Variants in ACSL6 observed in about 807,000 individuals in gnomAD.
The protein encoded by ACSL6 is long-chain-fatty-acid--CoA ligase 6.
In ACSL6, 47 loss-of-function variants were observed where a neutral mutation model predicts 98.2. The ratio of observed to expected loss-of-function variants is 0.48; its 90% CI spans 0.38 to 0.61. ACSL6 has a LOEUF of 0.61. Among genes scored for constraint, ACSL6 ranks in the 20% least tolerant of loss-of-function variants. ACSL6 has a pLI of 0.00. For synonymous variants in ACSL6, 362 were observed against 336.9 expected (o/e 1.07, Z -0.82); for missense variants, 761 against 913.4 (o/e 0.83, Z 2.15).
chr5:131,995,170 G>A (rs1214046281), intron 1 of ACSL6, among the ~76,000 whole-genome samples: 1 of 152,162 alleles, frequency 6.6e-6, no homozygotes, highest in Non-Finnish European at 1.5e-5. Context: ...AGACATGGCA[G>A]ATGCCCTGGG....
intron 8 of ACSL6, 134 bp downstream of exon 8, chr5:131,986,688 G>T (rs1580671572): frequency 1.9e-6 from 2 of 1,079,334 alleles, no homozygotes; most frequent in South Asian, 1.4e-5. Flanking sequence ...ACACTCAAGT[G>T]GGCATTTCCT....
chr5:131,998,318 T>C (rs533029590), intron 1 of ACSL6, among the ~76,000 whole-genome samples: 1 of 152,274 alleles, frequency 6.6e-6, no homozygotes, highest in Admixed American at 6.5e-5. Flanking sequence ...TAACATGAAC[T>C]AGCCACCTCC....
intron 20 of ACSL6, among the ~76,000 whole-genome samples, chr5:131,957,773 G>T (rs1752490533): frequency 6.6e-6 from 1 of 152,206 alleles, no homozygotes; most frequent in African/African-American, 2.4e-5. Context: ...TTGAGCTTTG[G>T]ATCACAACTG....
At position 131,960,228 on chromosome 5, in the gene ACSL6, A is replaced by AC. The variant is rs558630064; in HGVS notation, c.1959+291dup. On this transcript the variant is annotated intron_variant, in intron 19 of 20. Coordinates refer to ENST00000651883, the MANE Select transcript of ACSL6 (RefSeq NM_001009185.3). ...CCAGCTGTGTGACCTCGGGCAAGTTACCCCCCTCCCTGGACTCTCCTCTAA... is the reference window on the plus strand; with the variant it reads ...CCAGCTGTGTGACCTCGGGCAAGTTACCCCCCCTCCCTGGACTCTCCTCTAA... Among the ~76,000 whole-genome samples the AC allele has an allele frequency of 1.6e-3, 236 of 151,712 alleles. 1 individual carries two copies. Among genetic ancestry groups the AC allele is most frequent in the African/African-American group, 5.5e-3 (227 of 41,296 alleles).
At chr5:131,978,468 TG>T (rs1469524166) in intron 9 of ACSL6, among the ~76,000 whole-genome samples, 1 of 152,054 alleles carries the variant, frequency 6.6e-6, no homozygotes, top group Admixed American at 6.6e-5. Context: ...GTTAGCAAGC[TG>T]GGGGAGAAGG....
intron 14 of ACSL6, 117 bp from the exon 15 acceptor site, chr5:131,970,317 C>G (rs1444416194): frequency 3.5e-6 from 3 of 861,408 alleles, no homozygotes; most frequent in Non-Finnish European, 5.7e-6. Context: ...ATGATCAGGG[C>G]GATGGAGGGA....
intron 10 of ACSL6, 121 bp from the exon 11 acceptor site, chr5:131,975,091 A>G: frequency 7.2e-7 from 1 of 1,394,360 alleles, no homozygotes; most frequent in Non-Finnish European, 9.6e-7. Flanking sequence ...GGGGGAGGGG[A>G]ATGGGAGTGG....
intron 8 of ACSL6, 119 bp from the exon 9 acceptor site, chr5:131,985,577 G>T: frequency 9.6e-7 from 1 of 1,042,624 alleles, no homozygotes; most frequent in Non-Finnish European, 1.5e-6. Flanking sequence ...GTGTGAGCAT[G>T]TGTTGGGCAC....
intron 17 of ACSL6, among the ~76,000 whole-genome samples, chr5:131,963,137 G>A (rs1173204324): frequency 6.6e-6 from 1 of 152,094 alleles, no homozygotes; most frequent in Non-Finnish European, 1.5e-5. Flanking sequence ...CCCCTAAAGA[G>A]CAGCCTCTGC....
In ACSL6 at chr5:131,951,581, G is replaced by T. The variant is rs529879791; in HGVS notation, c.*2653C>A. The T allele has an allele frequency of 7.4e-3, 1,269 of 171,306 alleles. 13 individuals carry two copies. The highest frequency in any genetic ancestry group is 0.02 in the African/African-American group (835 of 41,188). 10.6% of individuals were successfully genotyped at this position (171,306 alleles called of 1,614,324 possible). On this transcript the variant is annotated 3_prime_UTR_variant, in exon 21 of 21. Coordinates refer to ENST00000651883, the MANE Select transcript of ACSL6 (RefSeq NM_001009185.3). ...GGCAAAAAGAAGAAACCTTGTTTTT[G>T]TTTTTTTTTTTTCTTTCTTTTTGAG...
intron 11 of ACSL6, chr5:131,973,768 C>G (rs1225037598): frequency 1.2e-5 from 2 of 172,098 alleles, no homozygotes; most frequent in Non-Finnish European, 2.5e-5. Context: ...TGGGTCTGCT[C>G]CAGGTCTTAG....
intron 7 of ACSL6, 127 bp from the exon 8 acceptor site, chr5:131,986,981 T>TCACA (rs58544750): frequency 2.1e-4 from 18 of 87,684 alleles, no homozygotes; most frequent in African/African-American, 3.4e-4. Flanking sequence ...ACCCACACAC[T>TCACA]CACACACACA....
intron 2 of ACSL6, among the ~76,000 whole-genome samples, chr5:131,991,753 C>T (rs1754526570): frequency 6.6e-6 from 1 of 152,188 alleles, no homozygotes; most frequent in African/African-American, 2.4e-5. Context: ...ACCTCTTCTT[C>T]AAGCACTATT....
At position 131,970,195 on chromosome 5, in the gene ACSL6, A is replaced by G; in HGVS notation, c.1440T>C (p.Tyr480=). 1 of 1,614,132 alleles carries G rather than the reference A, an allele frequency of 6.2e-7. No homozygotes were observed. Among genetic ancestry groups the G allele is most frequent in the Non-Finnish European group, 8.5e-7 (1 of 1,180,026 alleles). The change falls in exon 15 of 21, where the codon TAT becomes TAC. Residue 480 remains tyrosine, a synonymous_variant. Coordinates refer to ENST00000651883, the MANE Select transcript of ACSL6 (RefSeq NM_001009185.3). ...FLRAALGCQV[Y]EGYGQTECTA... is the part of the protein sequence containing the mutation. ...TGCACTCAGTTTGGCCATAACCTTC[A>G]TAAACCTTCAAACAAAACACAGAAG...
At chr5:132,002,748 G>A (rs1032013800) in intron 1 of ACSL6, among the ~76,000 whole-genome samples, 4 of 152,186 alleles carry the variant, frequency 2.6e-5, no homozygotes, top group African/African-American at 7.2e-5. Flanking sequence ...GAGCCTGTAA[G>A]ATGTTGGGGC....
At position 131,990,135 on chromosome 5, in the gene ACSL6, G is replaced by A. The variant is rs1176086497; in HGVS notation, c.415C>T (p.Pro139Ser). The A allele has an allele frequency of 6.2e-7, 1 of 1,614,056 alleles. No homozygotes were observed. The highest frequency in any genetic ancestry group is 1.7e-5 in the Admixed American group (1 of 60,024). ...GACAGCCACTGGTAAGGCTGCTTAGGCTTCCTGAAACCAAGACAGGGCCCA... is the reference window on the plus strand; with the variant it reads ...GACAGCCACTGGTAAGGCTGCTTAGACTTCCTGAAACCAAGACAGGGCCCA... ...GNGPCLGFRK[P>S]KQPYQWLSYQ... The change falls in exon 4 of 21, where the codon CCT becomes TCT. Residue 139 changes from proline to serine, a missense_variant. Pro to Ser is a moderately conservative substitution (Grantham distance 74, BLOSUM62 -1). Coordinates refer to ENST00000651883, the MANE Select transcript of ACSL6 (RefSeq NM_001009185.3).
At chr5:132,002,735 G>A (rs1755160162) in intron 1 of ACSL6, among the ~76,000 whole-genome samples, 1 of 152,180 alleles carries the variant, frequency 6.6e-6, no homozygotes, top group Admixed American at 6.5e-5. Flanking sequence ...TAAGTCACAG[G>A]AAGAGCCTGT....
chr5:131,990,230 C>T (rs968937286), intron 3 of ACSL6, 66 bp from the exon 4 acceptor site: 9 of 1,513,598 alleles, frequency 5.9e-6, no homozygotes, highest in Admixed American at 1.7e-5. Context: ...CTGCATCCGC[C>T]CATCAGAAAC....
intron 1 of ACSL6, among the ~76,000 whole-genome samples, chr5:132,002,551 T>G (rs1755145199): frequency 6.6e-6 from 1 of 152,138 alleles, no homozygotes; most frequent in African/African-American, 2.4e-5. Context: ...TTTGCTTGCC[T>G]GCTTGTTCAC....
Sources: gnomAD v4.1 joint callset for allele counts (sites outside exome capture counted in the v4.1 genomes callset) on GRCh38, gnomAD v4.1.1 for gene constraint, MANE v1.5 for transcripts, NCBI Gene and HGNC (gene_info 2026-07-23, HGNC 2026-07-21) for gene names.